Variants in TREM1 observed in about 807,000 individuals in gnomAD.
The protein encoded by TREM1 is triggering receptor expressed on myeloid cells 1, also known as triggering receptor expressed on monocytes 1.
A neutral mutation model predicts 22.4 loss-of-function variants in TREM1; 16 were observed. The observed-to-expected ratio is 0.71, with a 90% CI of 0.48 to 1.08. TREM1 has a LOEUF of 1.08. TREM1 is among the 50% of genes least tolerant of loss of function. TREM1 has a pLI of 0.00. For synonymous variants in TREM1, 110 were observed against 111.6 expected, an observed-to-expected ratio of 0.99 and a Z score of 0.09; for missense variants, 283 against 282.9, an observed-to-expected ratio of 1.00 and a Z score of 0.00.
downstream of TREM1, among the ~76,000 whole-genome samples, chr6:41,272,284 T>G (rs1767502888): frequency 6.6e-6 from 1 of 152,140 alleles, no homozygotes; most frequent in Non-Finnish European, 1.5e-5. Flanking sequence ...CCCACCCACC[T>G]GATGTCCCCA....
chr6:41,269,605 AG>A (rs1230190120), downstream of TREM1, among the ~76,000 whole-genome samples: 1 of 152,228 alleles, frequency 6.6e-6, no homozygotes, highest in East Asian at 1.9e-4. Flanking sequence ...CCTCTGCCAC[AG>A]GGTAAGATAA....
rs1767559171 is a variant in TREM1, at chr6:41,273,781, G to A, written c.*2344C>T. Among the ~76,000 whole-genome samples the A allele has an allele frequency of 6.6e-6, 1 of 152,188 alleles. No individual in the cohort carries two copies. The highest frequency in any genetic ancestry group is 2.1e-4 in the South Asian group (1 of 4,818). On this transcript the variant is annotated 3_prime_UTR_variant, in exon 4 of 4. Transcript: ENST00000244709. Reference sequence around the variant, plus strand: ...GGAGATGGGAGCTGTTTGCTGAGAGGCTTGAAGGAGCCTTCAGAGGGGAAT... The same window carrying A: ...GGAGATGGGAGCTGTTTGCTGAGAGACTTGAAGGAGCCTTCAGAGGGGAAT...
intron 1 of TREM1, among the ~76,000 whole-genome samples, chr6:41,284,478 AG>A (rs1768072334): frequency 6.6e-6 from 1 of 152,148 alleles, no homozygotes; most frequent in South Asian, 2.1e-4. Context: ...GCAGAGCGGA[AG>A]TGAGAAGACC....
downstream of TREM1, among the ~76,000 whole-genome samples, chr6:41,270,446 AATATATATATAT>A (rs68021402): frequency 5.6e-5 from 8 of 144,076 alleles, no homozygotes; most frequent in African/African-American, 1.4e-4. Context: ...GATATTATAT[AATATATATATAT>A]ATATATATAT....
chr6:41,273,600 A>C (rs1767552105), downstream of TREM1, among the ~76,000 whole-genome samples: 2 of 152,258 alleles, frequency 1.3e-5, no homozygotes, highest in African/African-American at 4.8e-5. Context: ...CCGCTGGCTC[A>C]TTGAAACTGG....
At chr6:41,280,588 C>T (rs1767863550) in intron 3 of TREM1, 4 of 1,230,692 alleles carry the variant, frequency 3.3e-6, no homozygotes, top group Admixed American at 4.0e-5. Context: ...CCCAAAGTCA[C>T]ATTCAGTTAG....
At chr6:41,279,540 A>G (rs996409280) in intron 3 of TREM1, 7 of 985,300 alleles carry the variant, frequency 7.1e-6, no homozygotes, top group Non-Finnish European at 8.4e-6. Flanking sequence ...CTCTTAGTAG[A>G]TCATTCGTTT....
chr6:41,273,690 C>T lies in TREM1; in HGVS notation c.*2435G>A, dbSNP rs1767554685. Among the ~76,000 whole-genome samples the T allele has an allele frequency of 6.6e-6, 1 of 152,182 alleles. No homozygotes were observed. The highest frequency in any genetic ancestry group is 2.4e-5 in the African/African-American group (1 of 41,428). ...GGGTGCTTCAGTATGCTGAGGCTGG[C>T]AATAGTGGTGGGTCATTCCCACTGC... On this transcript the variant is annotated 3_prime_UTR_variant, in exon 4 of 4. Transcript: ENST00000244709.
chr6:41,284,612 G>T (rs1768077635), intron 1 of TREM1, among the ~76,000 whole-genome samples: 1 of 152,174 alleles, frequency 6.6e-6, no homozygotes, highest in African/African-American at 2.4e-5. Context: ...AGACAGTGCT[G>T]CTGGGTCTAC....
intron 3 of TREM1, among the ~76,000 whole-genome samples, chr6:41,268,347 C>T (rs558159126): frequency 1.3e-5 from 2 of 152,304 alleles, no homozygotes; most frequent in South Asian, 2.1e-4. Context: ...TATGTTTAAG[C>T]GTATCCTTAT....
chr6:41,281,278 C>A, intron 2 of TREM1, 125 bp from the exon 3 acceptor site: 1 of 1,134,562 alleles, frequency 8.8e-7, no homozygotes, highest in Non-Finnish European at 1.2e-6. Flanking sequence ...GTAGGTGGTA[C>A]GGTAAATGAA....
rs749556764 is a variant in TREM1, at chr6:41,282,763, G to A, written c.50-12C>T. On this transcript the variant is annotated splice_polypyrimidine_tract_variant and intron_variant, in intron 1 of 3. Transcript: ENST00000244709. ...TGCAGCTCGGAGTTCTATAAGCAGGGAAAGAGAATGGGTTCTGTGAGGAAT... is the reference window on the plus strand; with the variant it reads ...TGCAGCTCGGAGTTCTATAAGCAGGAAAAGAGAATGGGTTCTGTGAGGAAT... The A allele has an allele frequency of 6.3e-7, 1 of 1,598,380 alleles. No homozygotes were observed. The highest frequency in any genetic ancestry group is 8.5e-7 in the Non-Finnish European group (1 of 1,170,408).
chr6:41,283,062 T>G (rs1344715579), intron 1 of TREM1, among the ~76,000 whole-genome samples: 1 of 152,158 alleles, frequency 6.6e-6, no homozygotes, highest in Admixed American at 6.5e-5. Flanking sequence ...ACATGGGATA[T>G]TGTACTAAGA....
intron 1 of TREM1, among the ~76,000 whole-genome samples, chr6:41,285,425 T>G (rs113671362): frequency 1.6e-4 from 25 of 152,322 alleles, no homozygotes; most frequent in African/African-American, 5.8e-4. Flanking sequence ...ACAGATTAAG[T>G]GATTTGCCCA....
At chr6:41,284,836 C>T (rs2113997872) in intron 1 of TREM1, among the ~76,000 whole-genome samples, 1 of 152,172 alleles carries the variant, frequency 6.6e-6, no homozygotes, top group East Asian at 1.9e-4. Flanking sequence ...AAAGCCAGTT[C>T]TTCTGGGAGC....
chr6:41,284,428 T>C (rs1054033234), intron 1 of TREM1, among the ~76,000 whole-genome samples: 46 of 152,140 alleles, frequency 3.0e-4, no homozygotes, highest in African/African-American at 1.1e-3. Flanking sequence ...GGGATGCTCA[T>C]CTGGCCTTGT....
downstream of TREM1, chr6:41,267,833 A>T (rs1767371160): frequency 5.0e-6 from 2 of 397,326 alleles, no homozygotes; most frequent in Non-Finnish European, 4.4e-6. Flanking sequence ...CAGTTTGGTT[A>T]CATGAAGATC....
At position 41,286,640 on chromosome 6, in the gene TREM1, G is replaced by A. The variant is rs1164313169; in HGVS notation, c.16C>T (p.Leu6Phe). 1 of 1,613,994 alleles carries A rather than the reference G, an allele frequency of 6.2e-7. No homozygotes were observed. Among genetic ancestry groups the A allele is most frequent in the Admixed American group, 1.7e-5 (1 of 59,992 alleles). Residue 6 changes from leucine to phenylalanine, a missense_variant, in exon 1 of 4, where the codon CTC (leucine) becomes TTC (phenylalanine). By Grantham distance (22) the Leu-to-Phe change is conservative (BLOSUM62 0). Coordinates refer to ENST00000244709, the MANE Select transcript of TREM1 (RefSeq NM_018643.5). MRKTR[L>F]WGLLWMLFVS... ...AAGAGCATCCACAGCAGCCCCCAGA[G>A]CCTGGTCTTCCTCATCCTTCCTGTG...
chr6:41,269,820 A>G (rs1423180556), downstream of TREM1: 1 of 152,284 alleles, frequency 6.6e-6, no homozygotes, highest in African/African-American at 2.4e-5. Context: ...GGTCCAGCTC[A>G]TTGGCTGTGC....
Sources: allele counts gnomAD v4.1 joint callset (sites outside exome capture counted in the v4.1 genomes callset), GRCh38; gene constraint gnomAD v4.1.1; transcripts MANE v1.5; gene names NCBI Gene and HGNC (gene_info 2026-07-23, HGNC 2026-07-21).